The following PCCA variants were observed in gnomAD, a reference collection of about 807,000 sequenced individuals.
PCCA encodes the protein propionyl-CoA carboxylase subunit alpha.
A neutral mutation model predicts 101.3 loss-of-function variants in PCCA; 74 were observed. The ratio of observed to expected loss-of-function variants is 0.73; its 90% CI spans 0.61 to 0.89. PCCA has a LOEUF of 0.89. PCCA is among the 40% of genes least tolerant of loss of function. The pLI is 0.00. For missense variants in PCCA, 891 were observed against 907.0 expected, an observed-to-expected ratio of 0.98 and a Z score of 0.23; for synonymous variants, 294 against 313.6, an observed-to-expected ratio of 0.94 and a Z score of 0.66.
At chr13:100,110,005 G>A (rs1269516824) in intron 2 of PCCA, among the ~76,000 whole-genome samples, 6 of 152,066 alleles carry the variant, frequency 3.9e-5, no homozygotes, top group Admixed American at 1.3e-4. Flanking sequence ...TTGGTGGTGC[G>A]CACCTGTAAT....
intron 20 of PCCA, among the ~76,000 whole-genome samples, chr13:100,434,993 T>C (rs1408501974): frequency 2.0e-5 from 3 of 152,220 alleles, no homozygotes; most frequent in Admixed American, 2.0e-4. Flanking sequence ...AGCATCTGAC[T>C]TAAAGATGTA....
intron 19 of PCCA, among the ~76,000 whole-genome samples, chr13:100,418,749 A>G (rs998730334): frequency 2.5e-4 from 38 of 151,878 alleles, no homozygotes; most frequent in African/African-American, 8.2e-4. Context: ...TGGGAGAATC[A>G]TTGGAACCCA....
At chr13:100,263,541 T>C (rs2062671416) in intron 10 of PCCA, among the ~76,000 whole-genome samples, 1 of 152,202 alleles carries the variant, frequency 6.6e-6, no homozygotes, top group Admixed American at 6.5e-5. Context: ...AGTCCTAGAT[T>C]CTGTCAGTTT....
intron 6 of PCCA, among the ~76,000 whole-genome samples, chr13:100,158,074 G>A (rs548098519): frequency 6.6e-6 from 1 of 152,298 alleles, no homozygotes; most frequent in African/African-American, 2.4e-5. Context: ...ACATGGTAGA[G>A]TCTCCCACAC....
rs1196750615 is a variant in PCCA, at chr13:100,319,793, G to A, written c.1429+9885G>A. ...ATGATGCCTCCAGGTTTGTTCTTTT[G>A]GCTTAGGATTGTCTTGGCAATGTGG... On this transcript the variant is annotated intron_variant, in intron 16 of 23. Transcript: ENST00000376285. Among the ~76,000 whole-genome samples the A allele has an allele frequency of 2.0e-5, 3 of 152,254 alleles. No individual in the cohort carries two copies. The East Asian group carries it at 5.8e-4, about 29-fold the overall frequency.
chr13:100,486,284 A>G (rs537459781), intron 21 of PCCA, among the ~76,000 whole-genome samples: 1 of 152,326 alleles, frequency 6.6e-6, no homozygotes, highest in African/African-American at 2.4e-5. Context: ...ATAACACTGT[A>G]AATACTGCCA....
chr13:100,252,264 TGA>T (rs2061803798), intron 8 of PCCA, among the ~76,000 whole-genome samples: 1 of 152,190 alleles, frequency 6.6e-6, no homozygotes, highest in Non-Finnish European at 1.5e-5. Flanking sequence ...GACCTTTCCT[TGA>T]GGAAACAAAG....
intron 18 of PCCA, among the ~76,000 whole-genome samples, chr13:100,362,493 C>A (rs755395926): frequency 2.0e-5 from 3 of 152,120 alleles, no homozygotes; most frequent in Non-Finnish European, 2.9e-5. Flanking sequence ...AACTGAGGCA[C>A]AAGGAGGCTA....
chr13:100,411,209 A>C (rs573074088), intron 19 of PCCA, among the ~76,000 whole-genome samples: 1 of 151,698 alleles, frequency 6.6e-6, no homozygotes, highest in East Asian at 1.9e-4. Context: ...TGGTAATGGG[A>C]CAGGTGTGCC....
chr13:100,155,940 A>G (rs565899012), intron 5 of PCCA, among the ~76,000 whole-genome samples: 4 of 152,352 alleles, frequency 2.6e-5, no homozygotes, highest in South Asian at 4.1e-4. Context: ...CCTTTTAACT[A>G]TAGCTTGCCA....
At chr13:100,286,634 C>T (rs2064690430) in intron 12 of PCCA, among the ~76,000 whole-genome samples, 1 of 152,190 alleles carries the variant, frequency 6.6e-6, no homozygotes, top group East Asian at 1.9e-4. Flanking sequence ...TATTTCCTTA[C>T]AGCTTTCTTT....
chr13:100,453,133 G>A (rs571519846), intron 21 of PCCA, among the ~76,000 whole-genome samples: 4 of 152,046 alleles, frequency 2.6e-5, no homozygotes, highest in African/African-American at 2.4e-5. Context: ...ACAGCGAGCC[G>A]TGATCACACC....
chr13:100,375,955 G>T (rs983375588), intron 19 of PCCA, among the ~76,000 whole-genome samples: 20 of 152,308 alleles, frequency 1.3e-4, no homozygotes, highest in African/African-American at 4.8e-4. Context: ...AGATGCACTG[G>T]TTTTTCCTCA....
intron 12 of PCCA, among the ~76,000 whole-genome samples, chr13:100,297,120 C>T (rs1195934007): frequency 6.6e-6 from 1 of 152,174 alleles, no homozygotes; most frequent in Non-Finnish European, 1.5e-5. Context: ...TGACACTGTC[C>T]ATCTATGAGC....
chr13:100,506,719 C>G (rs1468570015), intron 21 of PCCA, among the ~76,000 whole-genome samples: 1 of 152,112 alleles, frequency 6.6e-6, no homozygotes, highest in Non-Finnish European at 1.5e-5. Flanking sequence ...CCCCAAAGGT[C>G]ATTCATTCTG....
chr13:100,192,289 T>C (rs1295395643), intron 6 of PCCA, among the ~76,000 whole-genome samples: 1 of 152,188 alleles, frequency 6.6e-6, no homozygotes, highest in Non-Finnish European at 1.5e-5. Flanking sequence ...TTGATTTTAA[T>C]TGTGTTATAT....
intron 4 of PCCA, chr13:100,150,572 C>A: frequency 8.0e-7 from 1 of 1,252,938 alleles, no homozygotes. Context: ...ACGGCCGTTT[C>A]CAAGGGCCAG....
intron 19 of PCCA, among the ~76,000 whole-genome samples, chr13:100,396,648 A>G (rs2077057441): frequency 6.6e-6 from 1 of 152,272 alleles, no homozygotes; most frequent in East Asian, 1.9e-4. Flanking sequence ...TTATCTATAT[A>G]ATAAAAATAA....
chr13:100,181,842 T>G (rs1371380637), intron 6 of PCCA, among the ~76,000 whole-genome samples: 3 of 150,674 alleles, frequency 2.0e-5, no homozygotes, highest in Non-Finnish European at 4.4e-5. Flanking sequence ...CTTGGCTTAC[T>G]GCAACCTCTG....
Sources: gnomAD v4.1 joint callset for allele counts (sites outside exome capture counted in the v4.1 genomes callset) on GRCh38, gnomAD v4.1.1 for gene constraint, MANE v1.5 for transcripts, NCBI Gene and HGNC (gene_info 2026-07-23, HGNC 2026-07-21) for gene names.